The following ZPBP variants were observed in gnomAD, a reference collection of about 807,000 sequenced individuals.
The protein encoded by ZPBP is zona pellucida binding protein, also known as zona pellucida-binding protein 1.
ZPBP carries 26 observed loss-of-function variants against 44.8 expected under a neutral mutation model. The ratio of observed to expected loss-of-function variants is 0.58; its 90% CI spans 0.43 to 0.81. The LOEUF is 0.81. Among genes scored for constraint, ZPBP ranks in the 30% least tolerant of loss-of-function variants. The pLI is 0.00. For synonymous variants in ZPBP, 174 were observed against 153.2 expected (o/e 1.14, Z -1.00); for missense variants, 409 against 434.0 (o/e 0.94, Z 0.51).
intron 6 of ZPBP, among the ~76,000 whole-genome samples, chr7:49,994,947 G>A (rs1285996765): frequency 6.6e-6 from 1 of 152,080 alleles, no homozygotes; most frequent in Non-Finnish European, 1.5e-5. Context: ...ATATAAATAA[G>A]CCTCCTAGGC....
chr7:49,887,555 G>T (rs1583758027), intron 2 of ZPBP, among the ~76,000 whole-genome samples: 1 of 148,008 alleles, frequency 6.8e-6, no homozygotes, highest in East Asian at 1.9e-4. Flanking sequence ...GTCTTTCAGA[G>T]TATCATTTCA....
chr7:49,883,045 G>A (rs1292126889), intron 2 of ZPBP, among the ~76,000 whole-genome samples: 1 of 152,002 alleles, frequency 6.6e-6, no homozygotes, highest in Non-Finnish European at 1.5e-5. Flanking sequence ...TCCTCCCTGA[G>A]CTTGTCTGGG....
At chr7:49,862,405 C>A (rs923634054) in intron 2 of ZPBP, among the ~76,000 whole-genome samples, 1 of 152,160 alleles carries the variant, frequency 6.6e-6, no homozygotes, top group Admixed American at 6.5e-5. Flanking sequence ...CAGGATCATA[C>A]TAACCGTGAA....
At chr7:50,037,431 C>T (rs1799874206) in intron 4 of ZPBP, among the ~76,000 whole-genome samples, 1 of 152,214 alleles carries the variant, frequency 6.6e-6, no homozygotes, top group African/African-American at 2.4e-5. Context: ...GTTTAGCTAA[C>T]TCACAGTTCT....
chr7:49,877,079 A>G (rs1290591234), intron 2 of ZPBP, among the ~76,000 whole-genome samples: 1 of 152,122 alleles, frequency 6.6e-6, no homozygotes, highest in Non-Finnish European at 1.5e-5. Context: ...GACTGCAAGG[A>G]AAGATGCTGT....
intron 5 of ZPBP, among the ~76,000 whole-genome samples, chr7:50,026,308 A>C (rs1012323751): frequency 2.0e-5 from 3 of 151,904 alleles, no homozygotes; most frequent in Non-Finnish European, 4.4e-5. Flanking sequence ...GAAAAAACTG[A>C]CAGAACTGAA....
intron 3 of ZPBP, among the ~76,000 whole-genome samples, chr7:50,059,612 A>G (rs762208824): frequency 6.6e-6 from 1 of 152,204 alleles, no homozygotes; most frequent in Non-Finnish European, 1.5e-5. Flanking sequence ...GAGATGTAAT[A>G]AAGGGTTCTC....
chr7:50,003,326 C>G (rs1053791163), intron 6 of ZPBP, among the ~76,000 whole-genome samples: 1 of 152,074 alleles, frequency 6.6e-6, no homozygotes, highest in African/African-American at 2.4e-5. Flanking sequence ...AGCTAAGAAG[C>G]TGCAGAACCT....
intron 7 of ZPBP, among the ~76,000 whole-genome samples, chr7:49,951,178 A>G (rs1040658252): frequency 7.2e-5 from 11 of 151,894 alleles, no homozygotes; most frequent in African/African-American, 2.4e-4. Context: ...TTTCTTAGAT[A>G]TGACACCAAA....
chr7:49,974,774 G>A (rs1449109842), intron 7 of ZPBP, among the ~76,000 whole-genome samples: 4 of 946 alleles, frequency 4.2e-3, no homozygotes, highest in East Asian at 0.032. Context: ...TGATGAATAC[G>A]CACGTTTCTG....
intron 7 of ZPBP, among the ~76,000 whole-genome samples, chr7:49,941,786 A>T (rs945848948): frequency 1.6e-4 from 24 of 152,230 alleles, no homozygotes; most frequent in African/African-American, 5.5e-4. Context: ...AATCTTTCTC[A>T]AGAGACTCCA....
rs574948048 is a variant in ZPBP, at chr7:49,850,950, A to G, written n.510-436T>C. ...GCTCCATTAGCTCCCTGGGGCTGCC[A>G]CAGCAAATCCCACAACCTGAGAACC... On this transcript the variant is annotated intron_variant and non_coding_transcript_variant, in intron 2 of 2. Coordinates refer to the ZPBP transcript ENST00000465922. 7.2e-5 allele frequency among the ~76,000 whole-genome samples: 11 copies of G among 152,360 alleles called. No homozygotes were observed. In the South Asian group the frequency reaches 2.3e-3, roughly 32 times the overall value.
chr7:49,868,061 C>T (rs941591825), intron 2 of ZPBP, among the ~76,000 whole-genome samples: 3 of 151,864 alleles, frequency 2.0e-5, no homozygotes, highest in East Asian at 1.9e-4. Flanking sequence ...CTCAAACTCC[C>T]GACCTCAAAT....
intron 4 of ZPBP, among the ~76,000 whole-genome samples, chr7:50,035,191 T>G (rs1351739173): frequency 1.3e-5 from 2 of 152,236 alleles, no homozygotes; most frequent in African/African-American, 4.8e-5. Context: ...TAAAATATTA[T>G]GTAAGCAAGG....
Position 49,937,552 on chromosome 7 carries a change from C to T in ZPBP, c.1032G>A (p.Val344=), listed in dbSNP as rs779831228. Residue 344 remains valine, a synonymous_variant, in exon 8 of 8, where the codon GTG becomes GTA. Coordinates refer to ENST00000046087, the MANE Select transcript of ZPBP (RefSeq NM_007009.3). The stretch of plus-strand genomic sequence containing the variant: ...CTTATAAGCACGTTTTTGCTCCATA[C>T]ACCAGGCTGCTATTGCATTGAAGGC... ...IHCLQCNSSL[V]YGAKTCL is the part of the protein sequence containing the mutation. 6.2e-7 allele frequency: 1 copy of T among 1,613,800 alleles called. No homozygotes were observed. The highest frequency in any genetic ancestry group is 8.5e-7 in the Non-Finnish European group (1 of 1,179,802).
At chr7:49,892,661 A>G (rs983582941) in intron 2 of ZPBP, among the ~76,000 whole-genome samples, 1 of 152,170 alleles carries the variant, frequency 6.6e-6, no homozygotes, top group South Asian at 2.1e-4. Context: ...GGCCTATGTA[A>G]TAATACTTGC....
chr7:50,091,343 G>A (rs1301821773), intron 1 of ZPBP, among the ~76,000 whole-genome samples: 1 of 152,032 alleles, frequency 6.6e-6, no homozygotes, highest in African/African-American at 2.4e-5. Flanking sequence ...AATTAAGTCC[G>A]ACATATTTGT....
chr7:50,075,795 TG>T (rs1258737209), intron 3 of ZPBP, among the ~76,000 whole-genome samples: 4 of 151,950 alleles, frequency 2.6e-5, no homozygotes, highest in South Asian at 2.1e-4. Flanking sequence ...CAGGACTCAA[TG>T]GCTTTGCTGC....
chr7:49,857,690 C>T (rs1406343977), intron 2 of ZPBP, among the ~76,000 whole-genome samples: 1 of 152,112 alleles, frequency 6.6e-6, no homozygotes, highest in East Asian at 1.9e-4. Context: ...ACCCTTGTGA[C>T]TCTTGGTGGG....
Sources: gnomAD v4.1 joint callset for allele counts (sites outside exome capture counted in the v4.1 genomes callset) on GRCh38, gnomAD v4.1.1 for gene constraint, MANE v1.5 for transcripts, NCBI Gene and HGNC (gene_info 2026-07-23, HGNC 2026-07-21) for gene names.